PCDHGA2: variants seen among roughly 807,000 people sequenced by gnomAD.
The protein encoded by PCDHGA2 is protocadherin gamma subfamily A, 2.
In PCDHGA2, 40 loss-of-function variants were observed where a neutral mutation model predicts 59.2. The ratio of observed to expected loss-of-function variants is 0.68; its 90% CI spans 0.52 to 0.88. The LOEUF (loss-of-function observed/expected upper bound fraction) is 0.88, where lower values mean the gene tolerates loss of function less well. Among genes scored for constraint, PCDHGA2 ranks in the 40% least tolerant of loss-of-function variants. The pLI is 0.00. For missense variants in PCDHGA2, 1,226 were observed against 1,204.0 expected (o/e 1.02, Z -0.27); for synonymous variants, 560 against 526.0 (o/e 1.06, Z -0.89).
intron 1 of PCDHGA2, chr5:141,376,614 T>C: frequency 6.9e-7 from 1 of 1,446,670 alleles, no homozygotes; most frequent in African/African-American, 1.4e-5. Flanking sequence ...CGAACCTCTT[T>C]TGGTACAGGA....
At chr5:141,407,179 C>T (rs566759065) in intron 1 of PCDHGA2, among the ~76,000 whole-genome samples, 2 of 152,256 alleles carry the variant, frequency 1.3e-5, no homozygotes, top group South Asian at 2.1e-4. Context: ...GACATACAGA[C>T]ATTTTAATTA....
intron 1 of PCDHGA2, among the ~76,000 whole-genome samples, chr5:141,454,420 T>C (rs889393211): frequency 6.6e-6 from 1 of 152,218 alleles, no homozygotes; most frequent in African/African-American, 2.4e-5. Context: ...TATTTATTTA[T>C]TTAGAGACAG....
intron 1 of PCDHGA2, chr5:141,418,283 ATCAG>A: frequency 1.9e-6 from 3 of 1,613,996 alleles, no homozygotes; most frequent in Non-Finnish European, 2.5e-6. Context: ...AAACTTAGAA[ATCAG>A]TGAATCCGTC....
rs1001717368 is a variant in PCDHGA2 at position 141,405,559 on chromosome 5, G to A, written c.2424+64164G>A. ...CTCAGCCTCCCAAGTAGAGTAGCTG[G>A]GACTAGAGTAGAGTAGCTGGGACTA... On this transcript the variant is annotated intron_variant, in intron 1 of 3. Transcript: ENST00000394576. 1.8e-5 allele frequency: 11 copies of A among 614,566 alleles called. No individual in the cohort carries two copies. In the Admixed American group the frequency reaches 2.9e-4, roughly 16 times the overall value. The allele number at this position is 614,566 out of a possible 1,614,324, so 38.1% of individuals were successfully genotyped here.
At chr5:141,350,088 T>G in intron 1 of PCDHGA2, 1 of 449,052 alleles carries the variant, frequency 2.2e-6, no homozygotes, top group East Asian at 3.4e-5. Flanking sequence ...TGCAGGAGCG[T>G]CAGGCAGGGT....
At chr5:141,408,619 T>C in intron 1 of PCDHGA2, 1 of 1,613,974 alleles carries the variant, frequency 6.2e-7, no homozygotes, top group South Asian at 1.1e-5. Context: ...AGGAAATACA[T>C]TTAGAAATTT....
At chr5:141,389,547 G>A in intron 1 of PCDHGA2, 1 of 1,613,252 alleles carries the variant, frequency 6.2e-7, no homozygotes, top group East Asian at 2.2e-5. Context: ...CGACCGCAAC[G>A]ACAATGCGCC....
rs1187072972 is a variant in PCDHGA2 at position 141,487,553 on chromosome 5, C to T, written c.2425-7254C>T. 4 of 1,614,050 alleles carry T rather than the reference C, an allele frequency of 2.5e-6. No individual in the cohort carries two copies. The African/African-American group carries it at 4.0e-5, about 16-fold the overall frequency. On this transcript the variant is annotated intron_variant, in intron 1 of 3. Coordinates refer to ENST00000394576, the MANE Select transcript of PCDHGA2 (RefSeq NM_018915.4). The surrounding 1 kb of genome is among the most constrained non-coding windows in gnomAD (Gnocchi z 5.0). ...CATGATGGTGAAGTCACCCAGTGCA[C>T]CTATGGCAGGGGAGCCTGTTCGCCC...
At chr5:141,361,029 A>G (rs1433504702) in intron 1 of PCDHGA2, 2 of 1,613,256 alleles carry the variant, frequency 1.2e-6, no homozygotes, top group Non-Finnish European at 1.7e-6. Context: ...ATGAAAAAAC[A>G]GGAGAAATCA....
At chr5:141,370,551 G>C in intron 1 of PCDHGA2, 13 of 1,613,928 alleles carry the variant, frequency 8.1e-6, no homozygotes, top group Non-Finnish European at 1.0e-5. Flanking sequence ...CCTCGCCAAG[G>C]ACCTGGGGTT....
intron 1 of PCDHGA2, among the ~76,000 whole-genome samples, chr5:141,354,179 G>A (rs1271601077): frequency 6.6e-6 from 1 of 152,076 alleles, no homozygotes; most frequent in Non-Finnish European, 1.5e-5. Context: ...ACTATTATCT[G>A]CACTTTATAG....
intron 1 of PCDHGA2, among the ~76,000 whole-genome samples, chr5:141,363,429 T>C (rs1762921344): frequency 6.6e-6 from 1 of 152,248 alleles, no homozygotes; most frequent in East Asian, 1.9e-4. Flanking sequence ...TGTCTCAACA[T>C]AGAAAGGTCA....
chr5:141,414,855 C>T (rs2095795912), intron 1 of PCDHGA2: 3 of 1,614,236 alleles, frequency 1.9e-6, no homozygotes, highest in Non-Finnish European at 2.5e-6. Flanking sequence ...TGGACCAGAA[C>T]GACAATGCGC....
At chr5:141,455,058 C>G (rs1350223657) in intron 1 of PCDHGA2, among the ~76,000 whole-genome samples, 9 of 151,814 alleles carry the variant, frequency 5.9e-5, no homozygotes, top group Admixed American at 5.9e-4. Context: ...GTGATCCGCC[C>G]GCCTCGGCCT....
intron 2 of PCDHGA2, among the ~76,000 whole-genome samples, chr5:141,500,942 C>T (rs937418207): frequency 2.0e-5 from 3 of 151,926 alleles, no homozygotes; most frequent in Non-Finnish European, 4.4e-5. Context: ...CATCTCGGCT[C>T]ACTGCAAGCT....
Position 141,487,306 on chromosome 5 carries a change from ACT to A in PCDHGA2, c.2425-7496_2425-7495del. 1 of 1,613,414 alleles carries A rather than the reference ACT, an allele frequency of 6.2e-7. No individual in the cohort carries two copies. The highest frequency in any genetic ancestry group is 8.5e-7 in the Non-Finnish European group (1 of 1,179,874). ...TCTCCTTTGGCTCATTCGTGGCACT[ACT>A]CTCTAAGTGTCTTCGTGGGGCAGCC... On this transcript the variant is annotated intron_variant, in intron 1 of 3. Coordinates refer to ENST00000394576, the MANE Select transcript of PCDHGA2 (RefSeq NM_018915.4). The surrounding 1 kb of genome is among the most constrained non-coding windows in gnomAD (Gnocchi z 5.0).
chr5:141,383,660 A>G (rs748941284), intron 1 of PCDHGA2: 1 of 1,614,030 alleles, frequency 6.2e-7, no homozygotes, highest in South Asian at 1.1e-5. Flanking sequence ...GTCCCCGAGA[A>G]TGTGCCAGTG....
At chr5:141,389,887 A>G (rs1473090410) in intron 1 of PCDHGA2, 2 of 1,613,940 alleles carry the variant, frequency 1.2e-6, no homozygotes, top group East Asian at 2.2e-5. Context: ...AGCTTGCAGG[A>G]GGTGCTGCCG....
At chr5:141,415,810 T>TATATATC in intron 1 of PCDHGA2, 1 of 1,360,418 alleles carries the variant, frequency 7.4e-7, no homozygotes, top group Non-Finnish European at 9.5e-7. Flanking sequence ...AATCAAGGCC[T>TATATATC]ATATATCATA....
Sources: gnomAD v4.1 joint callset for allele counts (sites outside exome capture counted in the v4.1 genomes callset) on GRCh38, gnomAD v4.1.1 for gene constraint, Gnocchi (gnomAD v3.1) non-coding constraint, MANE v1.5 for transcripts, NCBI Gene and HGNC (gene_info 2026-07-23, HGNC 2026-07-21) for gene names.